LRMDA: variants seen among roughly 807,000 people sequenced by gnomAD.
LRMDA encodes the protein leucine rich melanocyte differentiation associated, also known as leucine-rich melanocyte differentiation-associated protein.
Under a neutral mutation model 29.8 loss-of-function variants are expected in LRMDA, and 18 were observed. The ratio of observed to expected loss-of-function variants is 0.60; its 90% CI spans 0.42 to 0.90. The LOEUF (loss-of-function observed/expected upper bound fraction) is 0.90. Ranked by LOEUF, LRMDA falls within the 40% of genes least tolerant of loss-of-function variation. The pLI, the probability that LRMDA is intolerant of heterozygous loss-of-function variation, is 0.00. For missense variants in LRMDA, 273 were observed against 273.9 expected, an observed-to-expected ratio of 1.00 and a Z score of 0.02; for synonymous variants, 125 against 109.4, an observed-to-expected ratio of 1.14 and a Z score of -0.89.
chr10:76,475,275 T>C (rs1293815366), intron 6 of LRMDA, among the ~76,000 whole-genome samples: 1 of 151,770 alleles, frequency 6.6e-6, no homozygotes, highest in Non-Finnish European at 1.5e-5. Context: ...TGCACAATTC[T>C]GTGAATATGC....
At chr10:75,580,898 C>A (rs902337768) in intron 2 of LRMDA, among the ~76,000 whole-genome samples, 1 of 152,170 alleles carries the variant, frequency 6.6e-6, no homozygotes, top group Non-Finnish European at 1.5e-5. Flanking sequence ...CTCTTCCTTA[C>A]ACTTTATACA....
Position 76,193,640 on chromosome 10 carries a change from G to A in LRMDA, c.517-130761G>A, listed in dbSNP as rs142014223. On this transcript the variant is annotated intron_variant, in intron 5 of 6. Transcript: ENST00000611255. Reference sequence around the variant, plus strand: ...CCTTATTTTTTATGTACTTCTAGTAGCTGTGCAATCTTCAATGACAGTGAA... The same window carrying A: ...CCTTATTTTTTATGTACTTCTAGTAACTGTGCAATCTTCAATGACAGTGAA... 2.8e-3 allele frequency among the ~76,000 whole-genome samples: 425 copies of A among 152,206 alleles called. 2 individuals carry two copies. The highest frequency in any genetic ancestry group is 9.8e-3 in the African/African-American group (406 of 41,516).
chr10:76,499,710 TC>T (rs1842898400), intron 6 of LRMDA, among the ~76,000 whole-genome samples: 1 of 74,600 alleles, frequency 1.3e-5, no homozygotes, highest in Non-Finnish European at 4.4e-5. Flanking sequence ...TTCAAATTTC[TC>T]CCTCTGTTGT....
At chr10:76,203,204 T>G (rs966163716) in intron 5 of LRMDA, among the ~76,000 whole-genome samples, 63 of 152,372 alleles carry the variant, frequency 4.1e-4, no homozygotes, top group African/African-American at 1.5e-3. Flanking sequence ...TTCTGCTCCC[T>G]GTGAGTTCAA....
At chr10:76,214,330 A>ATTTTTTTTT (rs753986574) in intron 5 of LRMDA, among the ~76,000 whole-genome samples, 18 of 87,244 alleles carry the variant, frequency 2.1e-4, no homozygotes, top group African/African-American at 5.5e-4. Context: ...CTTGAACCAA[A>ATTTTTTTTT]TTTTTTTTTT....
intron 5 of LRMDA, among the ~76,000 whole-genome samples, chr10:76,243,791 C>A (rs1429110649): frequency 6.6e-6 from 1 of 152,092 alleles, no homozygotes; most frequent in Non-Finnish European, 1.5e-5. Context: ...AAAACTTTGC[C>A]ATAGTGGGTT....
chr10:75,478,479 C>T (rs2132051168), intron 2 of LRMDA, among the ~76,000 whole-genome samples: 1 of 152,248 alleles, frequency 6.6e-6, no homozygotes. Context: ...TGCCTTGTCC[C>T]TGGTCACCTT....
intron 6 of LRMDA, among the ~76,000 whole-genome samples, chr10:76,544,590 G>GA (rs1843396515): frequency 6.6e-6 from 1 of 151,918 alleles, no homozygotes; most frequent in Admixed American, 6.6e-5. Context: ...ATCTTGGGTA[G>GA]AAAAAAATGT....
At chr10:75,526,201 G>A (rs537707559) in intron 2 of LRMDA, among the ~76,000 whole-genome samples, 1 of 152,038 alleles carries the variant, frequency 6.6e-6, no homozygotes, top group East Asian at 1.9e-4. Flanking sequence ...GAGTAGAAGG[G>A]ACCACAGGCA....
At chr10:76,363,176 A>AGAAAGAAAGAAAGAAAGAGGGAGGGAG (rs1459442138) in intron 6 of LRMDA, among the ~76,000 whole-genome samples, 9 of 21,794 alleles carry the variant, frequency 4.1e-4, no homozygotes, top group African/African-American at 1.3e-3. Flanking sequence ...AAAGAAAGAA[A>AGAAAGAAAGAAAGAAAGAGGGAGGGAG]GGAGGGAGGG....
At chr10:75,742,149 A>G (rs573832026) in intron 2 of LRMDA, among the ~76,000 whole-genome samples, 1 of 152,368 alleles carries the variant, frequency 6.6e-6, no homozygotes, top group South Asian at 2.1e-4. Context: ...CATTATAGGC[A>G]GGAAGTAAAA....
chr10:75,771,247 C>T, intron 2 of LRMDA, among the ~76,000 whole-genome samples: 1 of 151,994 alleles, frequency 6.6e-6, no homozygotes, highest in East Asian at 1.9e-4. Context: ...CAGGTTCACT[C>T]CCTCCCTCCT....
chr10:75,894,829 C>A (rs1363051760), intron 2 of LRMDA, among the ~76,000 whole-genome samples: 1 of 152,178 alleles, frequency 6.6e-6, no homozygotes, highest in African/African-American at 2.4e-5. Flanking sequence ...AAAGAAAAAA[C>A]AACTTTTAGA....
intron 2 of LRMDA, among the ~76,000 whole-genome samples, chr10:75,553,509 T>C (rs1396145609): frequency 6.6e-6 from 1 of 152,132 alleles, no homozygotes; most frequent in Non-Finnish European, 1.5e-5. Context: ...CAGTCTTAGG[T>C]AGGCCCTGTG....
chr10:76,443,450 T>C (rs1322357195), intron 6 of LRMDA, among the ~76,000 whole-genome samples: 1 of 152,156 alleles, frequency 6.6e-6, no homozygotes, highest in Non-Finnish European at 1.5e-5. Context: ...TGACTAGTAC[T>C]TTGCGGATTA....
chr10:76,348,846 T>G (rs1355147632), intron 6 of LRMDA, among the ~76,000 whole-genome samples: 5 of 152,222 alleles, frequency 3.3e-5, no homozygotes, highest in Non-Finnish European at 4.4e-5. Flanking sequence ...AACTGTGACA[T>G]TTGCTGTGAA....
intron 2 of LRMDA, among the ~76,000 whole-genome samples, chr10:75,439,964 T>C (rs1844309393): frequency 6.6e-6 from 1 of 151,488 alleles, no homozygotes; most frequent in South Asian, 2.1e-4. Flanking sequence ...GGAGCTTGGG[T>C]TGTGGTTGCC....
intron 5 of LRMDA, among the ~76,000 whole-genome samples, chr10:76,114,615 A>G (rs1372434464): frequency 6.6e-6 from 1 of 152,174 alleles, no homozygotes; most frequent in African/African-American, 2.4e-5. Flanking sequence ...GAGTTTACAT[A>G]GGTAGGAGAG....
chr10:75,883,989 C>T (rs1305981198), intron 2 of LRMDA, among the ~76,000 whole-genome samples: 1 of 151,860 alleles, frequency 6.6e-6, no homozygotes, highest in East Asian at 1.9e-4. Context: ...AAATCGGAGG[C>T]ATAAGGAGGG....
Sources: allele counts gnomAD v4.1 joint callset (sites outside exome capture counted in the v4.1 genomes callset), GRCh38; gene constraint gnomAD v4.1.1; transcripts MANE v1.5; gene names NCBI Gene and HGNC (gene_info 2026-07-23, HGNC 2026-07-21).